Variants in POFUT4 observed in about 807,000 individuals in gnomAD.
The protein encoded by POFUT4 is GDP-fucose protein O-fucosyltransferase 4.
chr10:73,773,830 G>A, the POFUT4 span: 2 of 1,534,862 alleles, frequency 1.3e-6, no homozygotes, highest in East Asian at 4.5e-5. Flanking sequence ...GAGTGCTGGG[G>A]TCCCCTGCAG....
the POFUT4 span, chr10:73,773,640 T>A: frequency 2.7e-4 from 428 of 1,614,252 alleles, no homozygotes; most frequent in Non-Finnish European, 3.6e-4. Context: ...CCTCAACGGC[T>A]TCGAGTGTTT....
At chr10:73,774,911 A>G in the POFUT4 span, 1 of 162,964 alleles carries the variant, frequency 6.1e-6, no homozygotes, top group Non-Finnish European at 1.4e-5. Flanking sequence ...AATGGCCTAT[A>G]GAAACCGACT....
chr10:73,774,019 G>A, the POFUT4 span: 8 of 569,468 alleles, frequency 1.4e-5, no homozygotes, highest in Middle Eastern at 4.5e-4. Context: ...TCAAGGCAAC[G>A]TATGAAAATC....
the POFUT4 span, chr10:73,775,046 TATG>T: frequency 4.6e-6 from 1 of 219,170 alleles, no homozygotes; most frequent in Admixed American, 5.2e-5. Flanking sequence ...CTGAACATAA[TATG>T]ATTTACTAGA....
the POFUT4 span, chr10:73,773,444 C>T: frequency 1.9e-6 from 3 of 1,614,244 alleles, no homozygotes; most frequent in Non-Finnish European, 2.5e-6. Context: ...ATCACTCCGT[C>T]ATCCTGATTG....
the POFUT4 span, among the ~76,000 whole-genome samples, chr10:73,778,256 G>A: frequency 6.6e-6 from 1 of 150,938 alleles, no homozygotes; most frequent in East Asian, 2.0e-4. Flanking sequence ...AGCTGGGCAC[G>A]GTGGCTCACA....
the POFUT4 span, chr10:73,773,329 C>T: frequency 1.2e-6 from 2 of 1,614,036 alleles, no homozygotes; most frequent in East Asian, 2.2e-5. Context: ...CTGGAAAATG[C>T]CATCTGTAAC....
chr10:73,773,942 A>AAGGT, the POFUT4 span: 2 of 1,081,386 alleles, frequency 1.8e-6, no homozygotes, highest in Admixed American at 5.7e-5. Context: ...TTCTGTATTT[A>AAGGT]AGGTGTCAAC....
the POFUT4 span, chr10:73,772,382 A>G: frequency 1.8e-5 from 28 of 1,559,992 alleles, no homozygotes; most frequent in East Asian, 2.4e-5. Context: ...AGGGGTGCTC[A>G]GTGTCTGTGC....
chr10:73,776,390 T>A, the POFUT4 span, among the ~76,000 whole-genome samples: 2 of 152,050 alleles, frequency 1.3e-5, no homozygotes, highest in Admixed American at 1.3e-4. Flanking sequence ...CTAATTTTTT[T>A]TTTTTTTTTG....
the POFUT4 span, chr10:73,779,221 A>AT: frequency 1.3e-5 from 2 of 153,894 alleles, no homozygotes; most frequent in African/African-American, 4.9e-5. Context: ...GAGTGCGCCT[A>AT]TGAGTGCCAA....
chr10:73,777,331 G>A, the POFUT4 span, among the ~76,000 whole-genome samples: 1 of 151,302 alleles, frequency 6.6e-6, no homozygotes, highest in Non-Finnish European at 1.5e-5. Flanking sequence ...AAAAATCCAG[G>A]AAAAAAAGTG....
the POFUT4 span, chr10:73,773,805 G>A: frequency 1.3e-6 from 2 of 1,574,190 alleles, no homozygotes; most frequent in Admixed American, 3.6e-5. Flanking sequence ...AGAGATTCCT[G>A]AGAATGACAG....
At chr10:73,772,379 C>G in the POFUT4 span, 1 of 1,558,798 alleles carries the variant, frequency 6.4e-7, no homozygotes, top group Non-Finnish European at 8.6e-7. Flanking sequence ...TCTAGGGGTG[C>G]TCAGTGTCTG....
At chr10:73,773,922 C>G in the POFUT4 span, 1 of 1,240,608 alleles carries the variant, frequency 8.1e-7, no homozygotes, top group Middle Eastern at 2.5e-4. Flanking sequence ...GAAATTATCA[C>G]ATGGGCTCAT....
At chr10:73,772,933 C>T in the POFUT4 span, 1 of 1,608,330 alleles carries the variant, frequency 6.2e-7, no homozygotes, top group East Asian at 2.2e-5. Context: ...CCATGGAACG[C>T]GCGGAGTGGC....
chr10:73,773,469 C>T, the POFUT4 span: 1 of 1,614,214 alleles, frequency 6.2e-7, no homozygotes, highest in East Asian at 2.2e-5. Context: ...TTTTGAGTCT[C>T]CTCAGAAGCT....
the POFUT4 span, chr10:73,772,465 C>G: frequency 6.4e-7 from 1 of 1,552,648 alleles, no homozygotes; most frequent in Non-Finnish European, 8.7e-7. Context: ...CGTGGGATGG[C>G]GCGGTTTTCC....
chr10:73,775,285 AT>A, the POFUT4 span: 3 of 817,336 alleles, frequency 3.7e-6, no homozygotes, highest in Admixed American at 2.1e-5. Flanking sequence ...CCCCCTCCAC[AT>A]TTGGGAGCCA....
Sources: gnomAD v4.1 joint callset for allele counts (sites outside exome capture counted in the v4.1 genomes callset) on GRCh38, gnomAD v4.1.1 for gene constraint, MANE v1.5 for transcripts, NCBI Gene and HGNC (gene_info 2026-07-23, HGNC 2026-07-21) for gene names.